The following BRINP2 variants were observed in gnomAD, a reference collection of about 807,000 sequenced individuals.
BRINP2 encodes the protein BMP/retinoic acid-inducible neural-specific protein 2.
A neutral mutation model predicts 69.2 loss-of-function variants in BRINP2; 21 were observed. The observed-to-expected ratio is 0.30, with a 90% CI of 0.22 to 0.44. The LOEUF is 0.44. BRINP2 is among the 20% of genes least tolerant of loss of function. The probability of loss-of-function intolerance (pLI) is 1.00; values close to 1 mark genes in which losing one functional copy is unlikely to be tolerated. For missense variants in BRINP2, 877 were observed against 986.0 expected (o/e 0.89, Z 1.48); for synonymous variants, 380 against 394.1 (o/e 0.96, Z 0.42).
At chr1:177,263,758 G>GTA (rs1477373157) in intron 4 of BRINP2, among the ~76,000 whole-genome samples, 1 of 152,066 alleles carries the variant, frequency 6.6e-6, no homozygotes, top group Non-Finnish European at 1.5e-5. Context: ...GGGAGGTAGG[G>GTA]TATATTTGAG....
intron 2 of BRINP2, among the ~76,000 whole-genome samples, chr1:177,244,303 C>A (rs1650305118): frequency 6.6e-6 from 1 of 152,182 alleles, no homozygotes; most frequent in South Asian, 2.1e-4. Flanking sequence ...GCAGCAACAG[C>A]ATACACTGCC....
chr1:177,199,811 C>T (rs1648849305), intron 1 of BRINP2, among the ~76,000 whole-genome samples: 2 of 152,288 alleles, frequency 1.3e-5, no homozygotes, highest in Admixed American at 6.5e-5. Context: ...CCTTTCTTTT[C>T]CTTATTCTTC....
intron 1 of BRINP2, among the ~76,000 whole-genome samples, chr1:177,204,585 A>G (rs1247027135): frequency 1.3e-5 from 2 of 152,182 alleles, no homozygotes; most frequent in African/African-American, 4.8e-5. Flanking sequence ...TGGGCTGGTA[A>G]CACCAATGCC....
At position 177,183,626 on chromosome 1, in the gene BRINP2, G is replaced by T. The variant is rs1194031464; in HGVS notation, c.-77+11894G>T. 2.0e-5 allele frequency among the ~76,000 whole-genome samples: 3 copies of T among 152,128 alleles called. No individual in the cohort carries two copies. The East Asian group carries it at 5.8e-4, about 29-fold the overall frequency. ...TGTTTTCATTAAATCAGTGAGAAGA[G>T]ACTTGGGAATGTACCAATGTAGCAA... On this transcript the variant is annotated intron_variant, in intron 1 of 7. Coordinates refer to ENST00000361539, the MANE Select transcript of BRINP2 (RefSeq NM_021165.4).
At chr1:177,195,666 G>A (rs1397118871) in intron 1 of BRINP2, among the ~76,000 whole-genome samples, 2 of 151,704 alleles carry the variant, frequency 1.3e-5, no homozygotes, top group Non-Finnish European at 2.9e-5. Context: ...AAGTGGGGGG[G>A]GAATCAATCC....
intron 1 of BRINP2, among the ~76,000 whole-genome samples, chr1:177,207,628 T>C (rs2102308353): frequency 6.6e-6 from 1 of 152,274 alleles, no homozygotes; most frequent in Admixed American, 6.5e-5. Flanking sequence ...GGATTCTGCA[T>C]CTTTCTCTAT....
intron 2 of BRINP2, among the ~76,000 whole-genome samples, chr1:177,249,642 A>C (rs1444743096): frequency 6.6e-6 from 1 of 152,218 alleles, no homozygotes; most frequent in Non-Finnish European, 1.5e-5. Flanking sequence ...AGTGTGTGTT[A>C]ATATAATTGA....
intron 1 of BRINP2, among the ~76,000 whole-genome samples, chr1:177,206,735 G>A (rs1362915451): frequency 6.6e-6 from 1 of 152,110 alleles, no homozygotes; most frequent in Non-Finnish European, 1.5e-5. Flanking sequence ...AAAGGCACTA[G>A]GACATGTGCT....
At chr1:177,243,045 G>T (rs1362850224) in intron 2 of BRINP2, among the ~76,000 whole-genome samples, 1 of 151,894 alleles carries the variant, frequency 6.6e-6, no homozygotes, top group Non-Finnish European at 1.5e-5. Context: ...AGGATTATTT[G>T]GTGATAACTG....
chr1:177,212,344 G>T (rs993644388), intron 1 of BRINP2, among the ~76,000 whole-genome samples: 1 of 152,262 alleles, frequency 6.6e-6, no homozygotes, highest in Admixed American at 6.5e-5. Context: ...AGGAGATCGA[G>T]ACCATCCCAG....
intron 1 of BRINP2, among the ~76,000 whole-genome samples, chr1:177,185,142 G>GA (rs59653327): frequency 1.4e-3 from 205 of 145,158 alleles, no homozygotes; most frequent in Non-Finnish European, 2.2e-3. Context: ...TGTCATGTTG[G>GA]AAAAAAAAAA....
intron 1 of BRINP2, among the ~76,000 whole-genome samples, chr1:177,198,895 T>C (rs1648822864): frequency 6.6e-6 from 1 of 152,196 alleles, no homozygotes; most frequent in Admixed American, 6.5e-5. Flanking sequence ...TTTTACTTTT[T>C]ACACCTGTCT....
At chr1:177,184,219 C>T (rs1182046443) in intron 1 of BRINP2, among the ~76,000 whole-genome samples, 1 of 152,178 alleles carries the variant, frequency 6.6e-6, no homozygotes, top group African/African-American at 2.4e-5. Context: ...AGCAATTTGA[C>T]ATTCTAATCC....
Position 177,280,986 on chromosome 1 carries a change from C to A in BRINP2, c.1810C>A (p.Pro604Thr). The A allele has an allele frequency of 6.2e-7, 1 of 1,614,154 alleles. No homozygotes were observed. The highest frequency in any genetic ancestry group is 8.5e-7 in the Non-Finnish European group (1 of 1,180,030). The change falls in exon 8 of 8, where the codon CCT becomes ACT. Residue 604 changes from proline (P) to threonine (T), a missense_variant. By Grantham distance (38) the Pro-to-Thr change is conservative. Transcript: ENST00000361539. ...CAGCCACTCTGAGAGCTGGTTCATG[C>A]CTGTGAATGAGGGCAGCTTTCCTGA... ...GGSHSESWFMPVNEGSFPDWE... is the reference protein window; with the variant it reads ...GGSHSESWFMTVNEGSFPDWE...
At chr1:177,187,659 A>G (rs942759110) in intron 1 of BRINP2, among the ~76,000 whole-genome samples, 26 of 152,274 alleles carry the variant, frequency 1.7e-4, no homozygotes, top group African/African-American at 6.0e-4. Context: ...CCACTCATGT[A>G]TGTCGGTATG....
chr1:177,201,848 T>C (rs1412481165), intron 1 of BRINP2, among the ~76,000 whole-genome samples: 1 of 152,222 alleles, frequency 6.6e-6, no homozygotes, highest in East Asian at 1.9e-4. Flanking sequence ...TTTTGGTTGG[T>C]AAGCTATTAA....
chr1:177,268,522 A>G (rs1366376731), intron 4 of BRINP2, among the ~76,000 whole-genome samples: 3 of 152,044 alleles, frequency 2.0e-5, no homozygotes, highest in African/African-American at 7.2e-5. Flanking sequence ...TTACTTAGCA[A>G]CTTCTTTGCA....
intron 2 of BRINP2, among the ~76,000 whole-genome samples, chr1:177,251,576 A>G (rs1650583137): frequency 6.6e-6 from 1 of 152,170 alleles, no homozygotes; most frequent in Non-Finnish European, 1.5e-5. Context: ...TATTGTCACC[A>G]CCATCATAGT....
At chr1:177,226,177 C>A (rs1460491666) in intron 1 of BRINP2, among the ~76,000 whole-genome samples, 1 of 152,236 alleles carries the variant, frequency 6.6e-6, no homozygotes, top group Admixed American at 6.5e-5. Context: ...GGGGTGACTA[C>A]ACCACCATAT....
Sources: allele counts gnomAD v4.1 joint callset (sites outside exome capture counted in the v4.1 genomes callset), GRCh38; gene constraint gnomAD v4.1.1; transcripts MANE v1.5; gene names NCBI Gene and HGNC (gene_info 2026-07-23, HGNC 2026-07-21).